The following TENM3 variants were observed in gnomAD, a reference collection of about 807,000 sequenced individuals.
TENM3 encodes the protein teneurin-3.
A neutral mutation model predicts 255.1 loss-of-function variants in TENM3; 63 were observed. The observed-to-expected ratio is 0.25, with a 90% confidence interval of 0.20 to 0.30. The LOEUF is 0.30. Among genes scored for constraint, TENM3 ranks in the 10% least tolerant of loss-of-function variants. The pLI is 1.00. For synonymous variants in TENM3, 1,306 were observed against 1,322.3 expected (o/e 0.99, Z 0.27); for missense variants, 2,929 against 3,461.1 (o/e 0.85, Z 3.86).
chr4:182,703,738 T>C (rs1268778755), intron 12 of TENM3, among the ~76,000 whole-genome samples: 2 of 152,248 alleles, frequency 1.3e-5, no homozygotes, highest in African/African-American at 4.8e-5. Context: ...TTTCCAGTTA[T>C]GGTCAAGAAA....
chr4:181,966,329 C>T, the TENM3 span, among the ~76,000 whole-genome samples: 1 of 152,128 alleles, frequency 6.6e-6, no homozygotes, highest in East Asian at 1.9e-4. Flanking sequence ...ATGAGTCTGT[C>T]CTCTAGACAT....
intron 22 of TENM3, among the ~76,000 whole-genome samples, chr4:182,773,011 G>A (rs1246245844): frequency 6.6e-6 from 1 of 152,074 alleles, no homozygotes; most frequent in African/African-American, 2.4e-5. Context: ...ATACTAAAAG[G>A]ATTTTTTACA....
the TENM3 span, among the ~76,000 whole-genome samples, chr4:181,558,301 T>C: frequency 2.6e-5 from 4 of 152,194 alleles, no homozygotes; most frequent in Admixed American, 1.3e-4. Flanking sequence ...TTACAGAGTA[T>C]GATGTCCTGT....
intron 4 of TENM3, among the ~76,000 whole-genome samples, 181 bp downstream of exon 4, chr4:182,601,342 G>A (rs765773767): frequency 1.3e-5 from 2 of 152,062 alleles, no homozygotes. Context: ...CAGTGAATGT[G>A]CCTATTCTTT....
At position 182,271,272 on chromosome 4, in the gene TENM3, C is replaced by G. The variant is rs144942016; in HGVS notation, c.-76+27796C>G. 1.4e-4 allele frequency among the ~76,000 whole-genome samples: 21 copies of G among 152,278 alleles called. No homozygotes were observed. The East Asian group carries it at 3.9e-3, about 28-fold the overall frequency. Reference sequence around the variant, plus strand: ...TTGACAGTTCAAAGCCTAACCACCCCCTTCCTAAGTGCGGCTGAAAAGACC... The same window carrying G: ...TTGACAGTTCAAAGCCTAACCACCCGCTTCCTAAGTGCGGCTGAAAAGACC... On this transcript the variant is annotated intron_variant, in intron 1 of 27. Transcript: ENST00000511685.
chr4:181,460,180 A>C, the TENM3 span, among the ~76,000 whole-genome samples: 1 of 152,048 alleles, frequency 6.6e-6, no homozygotes, highest in Non-Finnish European at 1.5e-5. Flanking sequence ...GCAATGTAAT[A>C]AAATTTACTT....
At chr4:182,401,474 CG>C (rs1351315250) in intron 3 of TENM3, among the ~76,000 whole-genome samples, 1 of 152,200 alleles carries the variant, frequency 6.6e-6, no homozygotes, top group Non-Finnish European at 1.5e-5. Flanking sequence ...TTGCTCATTT[CG>C]TCCTAAATGA....
chr4:182,662,869 A>T (rs1476568718), intron 6 of TENM3, among the ~76,000 whole-genome samples: 1 of 152,220 alleles, frequency 6.6e-6, no homozygotes, highest in Admixed American at 6.5e-5. Flanking sequence ...GAATGAACAC[A>T]CTTGACTTGT....
intron 1 of TENM3, among the ~76,000 whole-genome samples, chr4:182,161,400 A>G (rs1276812722): frequency 7.8e-5 from 8 of 102,232 alleles, no homozygotes; most frequent in African/African-American, 3.2e-4. Flanking sequence ...TGGGCGACAG[A>G]GCGAGACTCC....
chr4:182,051,464 G>A, the TENM3 span, among the ~76,000 whole-genome samples: 101 of 141,662 alleles, frequency 7.1e-4, 2 homozygotes, highest in African/African-American at 2.5e-3. Context: ...TGCAACCTCC[G>A]CCTCCTGGGT....
chr4:181,648,657 C>T, the TENM3 span, among the ~76,000 whole-genome samples: 1 of 152,178 alleles, frequency 6.6e-6, no homozygotes, highest in Non-Finnish European at 1.5e-5. Flanking sequence ...TTCTCTCTCT[C>T]TCTGACTAGG....
chr4:181,629,974 T>C, the TENM3 span, among the ~76,000 whole-genome samples: 1 of 152,222 alleles, frequency 6.6e-6, no homozygotes, highest in Non-Finnish European at 1.5e-5. Context: ...TCCTGGACTT[T>C]TTTTGGTTGG....
In TENM3 at chr4:182,670,700, C is replaced by T. The variant is rs984354518; in HGVS notation, c.1112-2305C>T. Among the ~76,000 whole-genome samples the T allele has an allele frequency of 3.3e-5, 5 of 152,160 alleles. No individual in the cohort carries two copies. In the South Asian group the frequency reaches 8.3e-4, roughly 25 times the overall value. ...ACTCTCCCTCAAACCTCACATTTAT[C>T]TGTAAGTGTGAATTTTTTGTGAATT... On this transcript the variant is annotated intron_variant, in intron 6 of 27. Transcript: ENST00000511685.
At chr4:181,940,775 C>A in the TENM3 span, among the ~76,000 whole-genome samples, 1 of 152,176 alleles carries the variant, frequency 6.6e-6, no homozygotes, top group Non-Finnish European at 1.5e-5. Context: ...CATGGCATAT[C>A]TCTTCTTCTG....
the TENM3 span, among the ~76,000 whole-genome samples, chr4:181,622,628 A>G: frequency 6.6e-6 from 1 of 152,168 alleles, no homozygotes; most frequent in Non-Finnish European, 1.5e-5. Context: ...GTGAGCTGAG[A>G]TCGCGCCACT....
chr4:181,526,068 G>A, the TENM3 span, among the ~76,000 whole-genome samples: 1 of 152,162 alleles, frequency 6.6e-6, no homozygotes, highest in Non-Finnish European at 1.5e-5. Context: ...TTCACTAGCA[G>A]TATGACTCTA....
the TENM3 span, among the ~76,000 whole-genome samples, chr4:181,680,368 T>C: frequency 1.3e-5 from 2 of 152,144 alleles, no homozygotes; most frequent in East Asian, 1.9e-4. Context: ...CTAAAAAATA[T>C]ATTTTAATCA....
chr4:182,246,745 C>G (rs368253523), intron 1 of TENM3, among the ~76,000 whole-genome samples: 1 of 152,228 alleles, frequency 6.6e-6, no homozygotes, highest in African/African-American at 2.4e-5. Context: ...AGGGCGGGGG[C>G]GTTCCCTCCC....
At chr4:181,734,742 A>C in the TENM3 span, among the ~76,000 whole-genome samples, 5 of 152,208 alleles carry the variant, frequency 3.3e-5, no homozygotes, top group African/African-American at 9.6e-5. Context: ...GAATATGAGA[A>C]TAAGAGATAC....
Sources: gnomAD v4.1 joint callset for allele counts (sites outside exome capture counted in the v4.1 genomes callset) on GRCh38, gnomAD v4.1.1 for gene constraint, MANE v1.5 for transcripts, NCBI Gene and HGNC (gene_info 2026-07-23, HGNC 2026-07-21) for gene names.